The following FRAS1 variants were observed in gnomAD, a reference collection of about 807,000 sequenced individuals.
The protein encoded by FRAS1 is Fraser extracellular matrix complex subunit 1, also known as extracellular matrix organizing protein FRAS1.
A neutral mutation model predicts 435.2 loss-of-function variants in FRAS1; 290 were observed. That is an observed-to-expected ratio of 0.67 (90% CI 0.61 to 0.73). FRAS1 has a LOEUF of 0.73. FRAS1 is among the 30% of genes least tolerant of loss of function. The pLI is 0.00. For synonymous variants in FRAS1, 1,800 were observed against 1,851.0 expected, an observed-to-expected ratio of 0.97 and a Z score of 0.71; for missense variants, 4,860 against 5,001.5, an observed-to-expected ratio of 0.97 and a Z score of 0.85.
rs759074740 is a variant in FRAS1, at chr4:78,384,122, C to T, written c.3627C>T (p.Asn1209=). The T allele has an allele frequency of 1.0e-5, 16 of 1,600,278 alleles. 1 individual carries two copies. In the South Asian group the frequency reaches 1.5e-4, roughly 15 times the overall value. ...QQFFSEPQLI[N]IQAFSTQAPY... Reference sequence around the variant, plus strand: ...TCTTCTCTGAGCCACAGCTGATCAACATACAAGCATTTTCAACACAGGTAA... The same window carrying T: ...TCTTCTCTGAGCCACAGCTGATCAATATACAAGCATTTTCAACACAGGTAA... The change falls in exon 28 of 74, where the codon AAC becomes AAT. Residue 1209 remains asparagine, a synonymous_variant. Coordinates refer to ENST00000512123, the MANE Select transcript of FRAS1 (RefSeq NM_025074.7).
chr4:78,197,549 G>C (rs1262879180), intron 2 of FRAS1, among the ~76,000 whole-genome samples: 1 of 152,160 alleles, frequency 6.6e-6, no homozygotes, highest in African/African-American at 2.4e-5. Flanking sequence ...AAGCCCAAAA[G>C]TCGGGCAATT....
intron 15 of FRAS1, among the ~76,000 whole-genome samples, chr4:78,312,879 G>GAGAGAGAGAGAGAGAGAGAA (rs143465313): frequency 0.013 from 1,690 of 127,838 alleles, 9 homozygotes; most frequent in Non-Finnish European, 0.02. Context: ...GAGAGAGAGA[G>GAGAGAGAGAGAGAGAGAGAA]AGAAAGAAAG....
At chr4:78,470,123 A>C in intron 51 of FRAS1, 32 bp downstream of exon 51, 2 of 1,429,524 alleles carry the variant, frequency 1.4e-6, no homozygotes, top group Non-Finnish European at 2.0e-6. Context: ...TGTTCACACC[A>C]CCCAACTTGG....
At chr4:78,358,391 T>C (rs1019367383) in intron 20 of FRAS1, among the ~76,000 whole-genome samples, 1 of 152,202 alleles carries the variant, frequency 6.6e-6, no homozygotes, top group Non-Finnish European at 1.5e-5. Flanking sequence ...GATAGGAACT[T>C]TCTGGAATGA....
chr4:78,421,797 G>A, intron 33 of FRAS1, 66 bp from the exon 34 acceptor site: 1 of 1,563,298 alleles, frequency 6.4e-7, no homozygotes, highest in Non-Finnish European at 8.8e-7. Context: ...CAGGCTCTAT[G>A]GCTCTAGTCA....
At chr4:78,402,873 T>G (rs1404896022) in intron 30 of FRAS1, among the ~76,000 whole-genome samples, 1 of 152,164 alleles carries the variant, frequency 6.6e-6, no homozygotes, top group South Asian at 2.1e-4. Flanking sequence ...CTCACTCAAT[T>G]TGTTAGTCTG....
intron 59 of FRAS1, among the ~76,000 whole-genome samples, chr4:78,495,786 G>T (rs775813743): frequency 2.6e-5 from 4 of 152,006 alleles, no homozygotes; most frequent in Non-Finnish European, 5.9e-5. Context: ...TGCTTGCTAA[G>T]CATATGCTTT....
At chr4:78,278,952 G>A (rs1727193389) in intron 10 of FRAS1, among the ~76,000 whole-genome samples, 1 of 152,058 alleles carries the variant, frequency 6.6e-6, no homozygotes, top group African/African-American at 2.4e-5. Flanking sequence ...TGTAGTATAG[G>A]GACACAGAAA....
chr4:78,367,556 GA>G (rs1731326020), intron 22 of FRAS1, among the ~76,000 whole-genome samples: 1 of 152,256 alleles, frequency 6.6e-6, no homozygotes, highest in East Asian at 1.9e-4. Context: ...TCTATGTCAA[GA>G]AAAGAGGACC....
At position 78,482,552 on chromosome 4, in the gene FRAS1, G is replaced by A; in HGVS notation, c.8752+17G>A. 1 of 1,609,754 alleles carries A rather than the reference G, an allele frequency of 6.2e-7. No homozygotes were observed. Among genetic ancestry groups the A allele is most frequent in the East Asian group, 2.2e-5 (1 of 44,864 alleles). On this transcript the variant is annotated intron_variant, in intron 58 of 73. Coordinates refer to ENST00000512123, the MANE Select transcript of FRAS1 (RefSeq NM_025074.7). ...TCCAAGATGGTAAGAGATTGGGGAT[G>A]CCAGCTGGTAGGTCCAAATATATTT... is the stretch of plus-strand genomic sequence containing the variant.
chr4:78,068,088 T>C (rs1740143776), intron 2 of FRAS1, among the ~76,000 whole-genome samples: 1 of 152,128 alleles, frequency 6.6e-6, no homozygotes, highest in Non-Finnish European at 1.5e-5. Flanking sequence ...ATTAAACAAA[T>C]ATTTATTGAA....
chr4:78,535,375 G>A (rs549430478), intron 71 of FRAS1, among the ~76,000 whole-genome samples: 17 of 152,168 alleles, frequency 1.1e-4, no homozygotes, highest in Non-Finnish European at 1.6e-4. Context: ...GGATCTCTCC[G>A]AGCCTCATTT....
At chr4:78,361,914 C>A (rs1452736740) in intron 20 of FRAS1, among the ~76,000 whole-genome samples, 2 of 152,020 alleles carry the variant, frequency 1.3e-5, no homozygotes, top group Non-Finnish European at 2.9e-5. Context: ...AATTGAGATT[C>A]GTGGGTTTTC....
At chr4:78,058,191 CGGTGAGGTGGAAGTTTTTCTGGGAAG>C (rs1217288946) in intron 1 of FRAS1, 106 bp downstream of exon 1, 4 of 1,017,996 alleles carry the variant, frequency 3.9e-6, no homozygotes, top group Non-Finnish European at 5.7e-6. Context: ...TATGGTATTT[CGGTGAGGTGGAAGTTTTTCTGGGAAG>C]GGTGAGGTGG....
intron 2 of FRAS1, among the ~76,000 whole-genome samples, chr4:78,150,976 A>C (rs1197845477): frequency 6.6e-6 from 1 of 152,112 alleles, no homozygotes; most frequent in Admixed American, 6.5e-5. Context: ...GGCCAACCTT[A>C]TAATATTTAT....
intron 16 of FRAS1, 69 bp from the exon 17 acceptor site, chr4:78,317,299 C>G: frequency 6.3e-7 from 1 of 1,579,676 alleles, no homozygotes; most frequent in Non-Finnish European, 8.7e-7. Flanking sequence ...GCCCGTGAAG[C>G]CCAGCCAGGA....
chr4:78,175,585 C>T (rs1299357316), intron 2 of FRAS1, among the ~76,000 whole-genome samples: 1 of 152,114 alleles, frequency 6.6e-6, no homozygotes, highest in Non-Finnish European at 1.5e-5. Context: ...AGTGCAATAT[C>T]CTAGGGGTAG....
chr4:78,120,474 T>C (rs1220241297), intron 2 of FRAS1, among the ~76,000 whole-genome samples: 3 of 152,222 alleles, frequency 2.0e-5, no homozygotes, highest in Non-Finnish European at 2.9e-5. Flanking sequence ...GTCAGCTCTC[T>C]ATACAGGCAT....
Position 78,466,436 on chromosome 4 carries a change from G to A in FRAS1, c.7257+1G>A. 1 of 1,607,724 alleles carries A rather than the reference G, an allele frequency of 6.2e-7. No homozygotes were observed. Among genetic ancestry groups the A allele is most frequent in the Non-Finnish European group, 8.5e-7 (1 of 1,175,480 alleles). ...TATCATTGAGGAAGGGGGAAAAGAG[G>A]TGAGGGGTGAGGACACTGGAGGAGG... On this transcript the variant is annotated splice_donor_variant, in intron 50 of 73. Transcript: ENST00000512123. LOFTEE classifies it high-confidence loss of function.
Sources: allele counts gnomAD v4.1 joint callset (sites outside exome capture counted in the v4.1 genomes callset), GRCh38; gene constraint gnomAD v4.1.1; transcripts MANE v1.5; gene names NCBI Gene and HGNC (gene_info 2026-07-23, HGNC 2026-07-21).